The following CHEK1 variants were observed in gnomAD, a reference collection of about 807,000 sequenced individuals.
CHEK1 encodes checkpoint kinase 1.
CHEK1 carries 32 observed loss-of-function variants against 60.2 expected under a neutral mutation model. The ratio of observed to expected loss-of-function variants is 0.53; its 90% CI spans 0.40 to 0.71. The LOEUF is 0.71. CHEK1 is among the 30% of genes least tolerant of loss of function. CHEK1 has a pLI of 0.00. For missense variants in CHEK1, 399 were observed against 564.6 expected, an observed-to-expected ratio of 0.71 and a Z score of 2.97; for synonymous variants, 179 against 187.2, an observed-to-expected ratio of 0.96 and a Z score of 0.36.
At chr11:125,654,327 GTC>G (rs1261333368) in intron 12 of CHEK1, among the ~76,000 whole-genome samples, 1 of 151,872 alleles carries the variant, frequency 6.6e-6, no homozygotes, top group East Asian at 1.9e-4. Flanking sequence ...AAGAGACTCT[GTC>G]TCAAAAAAAA....
chr11:125,638,436 A>G (rs578015469), intron 8 of CHEK1, among the ~76,000 whole-genome samples: 5 of 152,302 alleles, frequency 3.3e-5, no homozygotes, highest in Admixed American at 1.3e-4. Context: ...AGAGAGGACA[A>G]TGACTAGAGA....
At chr11:125,641,015 C>G (rs987896177) in intron 8 of CHEK1, among the ~76,000 whole-genome samples, 30 of 152,142 alleles carry the variant, frequency 2.0e-4, no homozygotes, top group African/African-American at 7.2e-4. Flanking sequence ...TGAATCACTC[C>G]TTTTTCCAGT....
Position 125,644,219 on chromosome 11 carries a change from A to C in CHEK1, c.1052A>C (p.Asp351Ala). The change falls in exon 10 of 13, where the codon GAT becomes GCT. Residue 351 changes from aspartate to alanine, a missense_variant. By Grantham distance (126) the Asp-to-Ala change is moderately radical (BLOSUM62 -2). Transcript: ENST00000438015. ...GISFSQPTCP[D>A]HMLLNSQLLG... ...AGCTTTTCCCAGCCCACATGTCCTG[A>C]TCATATGCTTTTGAATAGTCAGTTA... The C allele has an allele frequency of 6.2e-7, 1 of 1,614,150 alleles. No homozygotes were observed. The highest frequency in any genetic ancestry group is 8.5e-7 in the Non-Finnish European group (1 of 1,180,018).
At chr11:125,645,335 C>T (rs1038819708) in intron 11 of CHEK1, among the ~76,000 whole-genome samples, 1 of 152,046 alleles carries the variant, frequency 6.6e-6, no homozygotes, top group Non-Finnish European at 1.5e-5. Context: ...CTTGATTGCA[C>T]CCGTCAATTT....
chr11:125,626,176 A>T (rs114499264), intron 1 of CHEK1, 164 bp downstream of exon 1: 268 of 598,562 alleles, frequency 4.5e-4, no homozygotes, highest in African/African-American at 4.4e-3. Context: ...GAATGGTACC[A>T]GGAGGTTCCC....
intron 11 of CHEK1, 51 bp downstream of exon 11, chr11:125,644,694 A>G: frequency 1.3e-6 from 2 of 1,577,482 alleles, no homozygotes; most frequent in South Asian, 2.3e-5. Flanking sequence ...GAATTTAAAT[A>G]TTTGAGTAAA....
chr11:125,625,622 C>A lies in CHEK1; in HGVS notation c.-411C>A. 3.4e-6 allele frequency: 2 copies of A among 596,520 alleles called. No individual in the cohort carries two copies. The highest frequency in any genetic ancestry group is 2.0e-5 in the South Asian group (1 of 49,980). 37.0% of individuals were successfully genotyped at this position (596,520 alleles called of 1,614,324 possible). A position where few individuals can be genotyped will look rare whatever the true frequency, so the allele number is the denominator to read the frequency against. ...GCCAGGAGCGAAGCCCGCAGCCCCG[C>A]CTGGAAGCGCAGCGCGGTCGGTCGC... On this transcript the variant is annotated 5_prime_UTR_variant, in exon 1 of 13. Coordinates refer to ENST00000438015, the MANE Select transcript of CHEK1 (RefSeq NM_001114122.3).
chr11:125,658,173 A>G (rs987825469), downstream of CHEK1, among the ~76,000 whole-genome samples: 1 of 152,158 alleles, frequency 6.6e-6, no homozygotes, highest in Non-Finnish European at 1.5e-5. Flanking sequence ...GGCTCAAGCA[A>G]TCCTCCTGCC....
chr11:125,671,507 T>G (rs1942202605), intron 13 of CHEK1: 1 of 152,190 alleles, frequency 6.6e-6, no homozygotes, highest in African/African-American at 2.4e-5. Context: ...TAGCAATATA[T>G]TTTGGGGAAG....
intron 6 of CHEK1, among the ~76,000 whole-genome samples, chr11:125,635,115 G>A (rs1049779362): frequency 6.6e-6 from 1 of 151,874 alleles, no homozygotes; most frequent in Non-Finnish European, 1.5e-5. Context: ...ACACCATCAC[G>A]CCCAGCTAAT....
At chr11:125,639,507 G>T (rs905817797) in intron 8 of CHEK1, among the ~76,000 whole-genome samples, 1 of 149,922 alleles carries the variant, frequency 6.7e-6, no homozygotes, top group Non-Finnish European at 1.5e-5. Context: ...CACCCGAGTA[G>T]CTGGGATTAC....
At chr11:125,641,959 G>A (rs919533496) in intron 8 of CHEK1, among the ~76,000 whole-genome samples, 11 of 152,248 alleles carry the variant, frequency 7.2e-5, no homozygotes, top group Admixed American at 1.3e-4. Context: ...TGACCTGTGA[G>A]TTCTTACACA....
intron 13 of CHEK1, among the ~76,000 whole-genome samples, chr11:125,666,423 A>G (rs1176080766): frequency 1.3e-5 from 2 of 152,140 alleles, no homozygotes; most frequent in Non-Finnish European, 2.9e-5. Flanking sequence ...GGCCTCTCAT[A>G]TGGTCTGACT....
chr11:125,639,382 C>CTTTTTTTTTTTTT (rs367756024), intron 8 of CHEK1, among the ~76,000 whole-genome samples: 8 of 106,378 alleles, frequency 7.5e-5, no homozygotes, highest in Non-Finnish European at 1.2e-4. Context: ...ATACTTTTCT[C>CTTTTTTTTTTTTT]TTTTTTTTTT....
At chr11:125,658,652 C>A (rs1455778618), downstream of CHEK1, among the ~76,000 whole-genome samples, 1 of 132,802 alleles carries the variant, frequency 7.5e-6, no homozygotes, top group Non-Finnish European at 1.6e-5. Context: ...TGTATGTAAT[C>A]ATGTAATCTT....
At chr11:125,626,672 C>G in intron 1 of CHEK1, 77 bp from the exon 2 acceptor site, 1 of 1,341,318 alleles carries the variant, frequency 7.5e-7, no homozygotes, top group Non-Finnish European at 1.1e-6. Context: ...GTGGGCAATC[C>G]TGGGGAGAGG....
chr11:125,644,073 T>C lies in CHEK1; in HGVS notation c.924-18T>C, dbSNP rs749324107. Reference sequence around the variant, plus strand: ...TTATTTTATTAAATGTATGTTTCTTTCTGTCTTAATGCCTCAGTGAAGAAA... The same window carrying C: ...TTATTTTATTAAATGTATGTTTCTTCCTGTCTTAATGCCTCAGTGAAGAAA... On this transcript the variant is annotated intron_variant, in intron 9 of 12. Transcript: ENST00000438015. The C allele has an allele frequency of 8.1e-6, 13 of 1,601,498 alleles. No homozygotes were observed. In the South Asian group the frequency reaches 1.5e-4, roughly 18 times the overall value.
chr11:125,670,275 A>C (rs979741739), intron 13 of CHEK1, among the ~76,000 whole-genome samples: 1 of 152,120 alleles, frequency 6.6e-6, no homozygotes, highest in African/African-American at 2.4e-5. Flanking sequence ...ATGTATCTTT[A>C]ATAGCTGTTT....
rs1020992549 is a variant in CHEK1 at position 125,656,214 on chromosome 11, C to T, written c.*894C>T. ...ACTTTGGGGCATATTAGGTTGAGGCCTTGGCTCCTGCCTGTAGTCCCAGCT... is the reference window on the plus strand; with the variant it reads ...ACTTTGGGGCATATTAGGTTGAGGCTTTGGCTCCTGCCTGTAGTCCCAGCT... On this transcript the variant is annotated 3_prime_UTR_variant, in exon 13 of 13. Coordinates refer to ENST00000438015, the MANE Select transcript of CHEK1 (RefSeq NM_001114122.3). 9.4e-6 allele frequency: 2 copies of T among 213,282 alleles called. No homozygotes were observed. Among genetic ancestry groups the T allele is most frequent in the Admixed American group, 5.9e-5 (1 of 17,088 alleles). 13.2% of individuals were successfully genotyped at this position (213,282 alleles called of 1,614,324 possible).
Sources: gnomAD v4.1 joint callset for allele counts (sites outside exome capture counted in the v4.1 genomes callset) on GRCh38, gnomAD v4.1.1 for gene constraint, MANE v1.5 for transcripts, NCBI Gene and HGNC (gene_info 2026-07-23, HGNC 2026-07-21) for gene names.